Variants in SUMF1 observed in about 807,000 individuals in gnomAD.
SUMF1 encodes formylglycine-generating enzyme.
A neutral mutation model predicts 47.6 loss-of-function variants in SUMF1; 48 were observed. That is an observed-to-expected ratio of 1.01 (90% confidence interval 0.80 to 1.28). The LOEUF (loss-of-function observed/expected upper bound fraction) is 1.28. Among genes scored for constraint, SUMF1 ranks in the 50% most tolerant of loss-of-function variants. The pLI is 0.00. For missense variants in SUMF1, 571 were observed against 485.4 expected (o/e 1.18, Z -1.66); for synonymous variants, 230 against 192.1 (o/e 1.20, Z -1.63).
intron 8 of SUMF1, among the ~76,000 whole-genome samples, chr3:4,376,121 T>C (rs1406762250): frequency 1.3e-5 from 2 of 152,240 alleles, no homozygotes; most frequent in South Asian, 2.1e-4. Context: ...TGGTTGACAA[T>C]AGGTCATTCA....
intron 3 of SUMF1, among the ~76,000 whole-genome samples, chr3:4,443,858 T>C (rs1017002477): frequency 1.6e-4 from 25 of 151,956 alleles, no homozygotes; most frequent in African/African-American, 6.0e-4. Flanking sequence ...TAAAGAAAGA[T>C]ATAAGAAGTT....
chr3:4,051,203 C>T (rs1439739462), intron 9 of SUMF1, among the ~76,000 whole-genome samples: 2 of 151,954 alleles, frequency 1.3e-5, no homozygotes, highest in East Asian at 1.9e-4. Flanking sequence ...CCTGTTCCTC[C>T]CAGGCAGAAC....
At chr3:4,216,229 TA>T (rs1300809736) in intron 8 of SUMF1, among the ~76,000 whole-genome samples, 3 of 152,138 alleles carry the variant, frequency 2.0e-5, no homozygotes, top group African/African-American at 7.2e-5. Context: ...GCCTCAGAAA[TA>T]ACACCACACA....
chr3:4,424,571 C>A (rs1476519145), intron 3 of SUMF1, among the ~76,000 whole-genome samples: 1 of 152,022 alleles, frequency 6.6e-6, no homozygotes. Flanking sequence ...TATAGTAAAT[C>A]TAGACATAAT....
chr3:4,248,538 C>T (rs780348213), intron 8 of SUMF1, among the ~76,000 whole-genome samples: 7 of 152,106 alleles, frequency 4.6e-5, no homozygotes, highest in Non-Finnish European at 5.9e-5. Flanking sequence ...AAAAGAGAAG[C>T]TTTAGACATA....
At chr3:4,330,150 A>G (rs184010522) in intron 8 of SUMF1, among the ~76,000 whole-genome samples, 176 of 152,298 alleles carry the variant, frequency 1.2e-3, no homozygotes, top group South Asian at 2.3e-3. Context: ...CCATTCAACA[A>G]GTCTCTAGGA....
chr3:4,423,152 C>A (rs1180312824), intron 3 of SUMF1, among the ~76,000 whole-genome samples: 1 of 152,048 alleles, frequency 6.6e-6, no homozygotes, highest in Non-Finnish European at 1.5e-5. Context: ...GGGTATCTAC[C>A]CAGAGGAAGT....
At chr3:4,237,979 T>G (rs147614904) in intron 8 of SUMF1, among the ~76,000 whole-genome samples, 1,621 of 152,056 alleles carry the variant, frequency 0.011, 13 homozygotes, top group Middle Eastern at 0.031. Context: ...CCCTCCCTGT[T>G]TCCATGTGTT....
intron 8 of SUMF1, among the ~76,000 whole-genome samples, chr3:4,124,802 A>T (rs565318296): frequency 7.5e-5 from 6 of 79,894 alleles, no homozygotes; most frequent in African/African-American, 2.0e-4. Flanking sequence ...TCTGTATCTA[A>T]TATCAAAAAA....
chr3:4,446,828 T>C (rs1702797326), intron 3 of SUMF1, among the ~76,000 whole-genome samples: 1 of 152,112 alleles, frequency 6.6e-6, no homozygotes, highest in Non-Finnish European at 1.5e-5. Context: ...TAAATCATTG[T>C]AGGAAAAACT....
chr3:4,363,505 C>G (rs1439727518), intron 8 of SUMF1, among the ~76,000 whole-genome samples: 1 of 151,510 alleles, frequency 6.6e-6, no homozygotes, highest in Non-Finnish European at 1.5e-5. Context: ...GGAGTTCACT[C>G]ATGATTTGGC....
At chr3:4,157,064 C>T (rs1431138318) in intron 8 of SUMF1, among the ~76,000 whole-genome samples, 1 of 151,620 alleles carries the variant, frequency 6.6e-6, no homozygotes, top group Non-Finnish European at 1.5e-5. Context: ...AGACTAACTT[C>T]TTACCCTTCA....
intron 3 of SUMF1, among the ~76,000 whole-genome samples, chr3:4,432,479 T>A (rs1366871575): frequency 6.6e-6 from 1 of 152,150 alleles, no homozygotes; most frequent in African/African-American, 2.4e-5. Flanking sequence ...CAAAGCTCTA[T>A]GTAATCCAAC....
chr3:4,327,798 G>A (rs1270114645), intron 8 of SUMF1, among the ~76,000 whole-genome samples: 1 of 152,088 alleles, frequency 6.6e-6, no homozygotes, highest in Non-Finnish European at 1.5e-5. Flanking sequence ...TTTAGAACTT[G>A]AAATTTTGAT....
intron 8 of SUMF1, among the ~76,000 whole-genome samples, chr3:4,225,965 G>C (rs1696163064): frequency 6.6e-6 from 1 of 152,110 alleles, no homozygotes; most frequent in Admixed American, 6.6e-5. Context: ...TCAGAGGGCA[G>C]GATGGTGGGA....
At chr3:4,319,532 A>G (rs77711087) in intron 8 of SUMF1, among the ~76,000 whole-genome samples, 1,662 of 152,304 alleles carry the variant, frequency 0.011, 21 homozygotes, top group African/African-American at 0.037. Flanking sequence ...CCTGAGGATC[A>G]GTTCCCTGAG....
chr3:4,372,392 G>A (rs892832667), intron 8 of SUMF1, among the ~76,000 whole-genome samples: 5 of 152,278 alleles, frequency 3.3e-5, no homozygotes, highest in African/African-American at 7.2e-5. Context: ...TTTAAAAAAT[G>A]AATTATAACA....
chr3:4,077,166 G>C (rs1197952636), intron 8 of SUMF1, among the ~76,000 whole-genome samples: 1 of 152,144 alleles, frequency 6.6e-6, no homozygotes, highest in Non-Finnish European at 1.5e-5. Flanking sequence ...ACAGACGCTG[G>C]AGAGGATGTG....
At chr3:4,411,461 T>C (rs1030234594) in intron 6 of SUMF1, among the ~76,000 whole-genome samples, 3 of 152,152 alleles carry the variant, frequency 2.0e-5, no homozygotes, top group African/African-American at 7.2e-5. Context: ...TGCCAACTCA[T>C]CATCTTACCT....
Sources: gnomAD v4.1 joint callset for allele counts (sites outside exome capture counted in the v4.1 genomes callset) on GRCh38, gnomAD v4.1.1 for gene constraint, MANE v1.5 for transcripts, NCBI Gene and HGNC (gene_info 2026-07-23, HGNC 2026-07-21) for gene names.